Variants in MAST4 observed in about 807,000 individuals in gnomAD.
MAST4 encodes the protein microtubule-associated serine/threonine-protein kinase 4.
A neutral mutation model predicts 162.7 loss-of-function variants in MAST4; 89 were observed. The ratio of observed to expected loss-of-function variants is 0.55; its 90% CI spans 0.46 to 0.65. MAST4 has a LOEUF of 0.65. Among genes scored for constraint, MAST4 ranks in the 30% least tolerant of loss-of-function variants. The pLI, the probability that MAST4 is intolerant of heterozygous loss-of-function variation, is 0.00. For missense variants in MAST4, 3,153 were observed against 3,374.0 expected (o/e 0.93, Z 1.62); for synonymous variants, 1,479 against 1,361.1 (o/e 1.09, Z -1.91).
At chr5:66,636,236 G>A (rs985421414) in intron 1 of MAST4, among the ~76,000 whole-genome samples, 1 of 152,016 alleles carries the variant, frequency 6.6e-6, no homozygotes, top group Non-Finnish European at 1.5e-5. Flanking sequence ...GATTACAGGC[G>A]TGAGCCACCG....
At chr5:66,948,866 G>A (rs1431085082) in intron 4 of MAST4, among the ~76,000 whole-genome samples, 1 of 152,120 alleles carries the variant, frequency 6.6e-6, no homozygotes, top group East Asian at 1.9e-4. Flanking sequence ...CGAGCATGGT[G>A]TTAAGCACTT....
intron 4 of MAST4, among the ~76,000 whole-genome samples, chr5:67,022,121 G>C (rs1179878897): frequency 6.6e-6 from 1 of 152,176 alleles, no homozygotes; most frequent in Non-Finnish European, 1.5e-5. Context: ...CTTTATGCCA[G>C]CATAGTGCCT....
intron 14 of MAST4, among the ~76,000 whole-genome samples, chr5:67,127,063 G>A (rs1023887917): frequency 1.3e-5 from 2 of 150,764 alleles, no homozygotes; most frequent in Non-Finnish European, 3.0e-5. Context: ...CTGGTGTATA[G>A]GATTTTTGCA....
At chr5:67,041,364 A>G (rs913930192) in intron 4 of MAST4, among the ~76,000 whole-genome samples, 1 of 152,166 alleles carries the variant, frequency 6.6e-6, no homozygotes, top group African/African-American at 2.4e-5. Flanking sequence ...CCTTCTTTCT[A>G]TAACTAGGAT....
chr5:67,003,349 ACAT>A (rs1751505712), intron 4 of MAST4, among the ~76,000 whole-genome samples: 1 of 152,156 alleles, frequency 6.6e-6, no homozygotes, highest in Non-Finnish European at 1.5e-5. Context: ...TGGACATGAA[ACAT>A]CATCCAAAAC....
chr5:66,875,863 G>A (rs1212562067), intron 3 of MAST4, among the ~76,000 whole-genome samples: 5 of 152,210 alleles, frequency 3.3e-5, no homozygotes, highest in African/African-American at 1.2e-4. Context: ...TTGGGTTCAG[G>A]TGATCCTCAT....
intron 1 of MAST4, among the ~76,000 whole-genome samples, chr5:66,624,146 G>GTTTTTCT (rs1744259017): frequency 1.1e-5 from 1 of 90,128 alleles, no homozygotes. Flanking sequence ...TTGTTAAAAT[G>GTTTTTCT]TTTTTTTTTT....
intron 10 of MAST4, among the ~76,000 whole-genome samples, chr5:67,104,777 G>A (rs1167915878): frequency 1.3e-5 from 2 of 151,620 alleles, no homozygotes; most frequent in Non-Finnish European, 2.9e-5. Flanking sequence ...GAAAATTAAT[G>A]TAATAACCTT....
At chr5:66,891,633 T>TC (rs1762370331) in intron 3 of MAST4, among the ~76,000 whole-genome samples, 1 of 152,160 alleles carries the variant, frequency 6.6e-6, no homozygotes, top group Non-Finnish European at 1.5e-5. Context: ...TGATCTCTGT[T>TC]CCAGCCATGT....
intron 9 of MAST4, among the ~76,000 whole-genome samples, chr5:67,103,105 A>G (rs1170398402): frequency 6.6e-6 from 1 of 152,196 alleles, no homozygotes; most frequent in Non-Finnish European, 1.5e-5. Flanking sequence ...TTAGAAGAGA[A>G]GGCACAGTTG....
At chr5:67,056,367 TGCGCAGCAGTG>T (rs1205863485) in intron 5 of MAST4, among the ~76,000 whole-genome samples, 16 of 152,158 alleles carry the variant, frequency 1.1e-4, no homozygotes, top group Non-Finnish European at 2.4e-4. Context: ...CTCAGCACAG[TGCGCAGCAGTG>T]TATGCTAGAT....
intron 5 of MAST4, among the ~76,000 whole-genome samples, chr5:67,083,846 T>A (rs34797353): frequency 0.21 from 32,334 of 152,010 alleles, 3,654 homozygotes; most frequent in African/African-American, 0.28. Flanking sequence ...TCTTCTCTGT[T>A]GCTAGGAAGG....
At chr5:66,774,395 A>G (rs1227141902) in intron 2 of MAST4, among the ~76,000 whole-genome samples, 2 of 152,192 alleles carry the variant, frequency 1.3e-5, no homozygotes, top group Non-Finnish European at 2.9e-5. Context: ...CATCATGCAC[A>G]TACCTGTGGT....
At position 66,768,989 on chromosome 5, in the gene MAST4, T is replaced by C. The variant is rs571819334; in HGVS notation, c.517+9127T>C. Among the ~76,000 whole-genome samples, 5 of 152,198 alleles carry C rather than the reference T, an allele frequency of 3.3e-5. 1 individual carries two copies. In the South Asian group the frequency reaches 1.0e-3, roughly 32 times the overall value. On this transcript the variant is annotated intron_variant, in intron 2 of 28. Transcript: ENST00000403625. ...GGAAGGGGTTCAGTTGGGAGGGTTA[T>C]ATGGGAATTGAGAAGAGAAGGAGAT...
At chr5:67,071,807 A>T (rs1761037567) in intron 5 of MAST4, among the ~76,000 whole-genome samples, 1 of 152,218 alleles carries the variant, frequency 6.6e-6, no homozygotes, top group Admixed American at 6.5e-5. Context: ...ATTAAAATGA[A>T]CTTAAATTGG....
intron 4 of MAST4, among the ~76,000 whole-genome samples, chr5:67,004,111 T>G (rs960150960): frequency 7.9e-5 from 12 of 152,294 alleles, no homozygotes; most frequent in African/African-American, 2.9e-4. Flanking sequence ...GCGGGTTTAT[T>G]TATTTATTTC....
intron 4 of MAST4, among the ~76,000 whole-genome samples, chr5:67,043,709 G>A (rs563462820): frequency 1.2e-4 from 18 of 152,174 alleles, no homozygotes; most frequent in South Asian, 6.2e-4. Context: ...TACAAAAAAC[G>A]GAAGTTAAAA....
chr5:67,076,607 AC>A (rs1761677225), intron 5 of MAST4, among the ~76,000 whole-genome samples: 1 of 151,076 alleles, frequency 6.6e-6, no homozygotes. Flanking sequence ...TTTATACCTG[AC>A]CCCCCTCCCC....
intron 5 of MAST4, among the ~76,000 whole-genome samples, chr5:67,086,006 C>T (rs2150766134): frequency 6.6e-6 from 1 of 152,238 alleles, no homozygotes; most frequent in Non-Finnish European, 1.5e-5. Context: ...AGTTTGGTTT[C>T]AGGGTTTTTA....
Sources: allele counts gnomAD v4.1 joint callset (sites outside exome capture counted in the v4.1 genomes callset), GRCh38; gene constraint gnomAD v4.1.1; transcripts MANE v1.5; gene names NCBI Gene and HGNC (gene_info 2026-07-23, HGNC 2026-07-21).